The following NEK11 variants were observed in gnomAD, a reference collection of about 807,000 sequenced individuals.
NEK11 encodes serine/threonine-protein kinase Nek11.
In NEK11, 72 loss-of-function variants were observed where a neutral mutation model predicts 80.7. The ratio of observed to expected loss-of-function variants is 0.89; its 90% CI spans 0.74 to 1.08. The LOEUF (loss-of-function observed/expected upper bound fraction) is 1.08, where lower values mean the gene tolerates loss of function less well. Among genes scored for constraint, NEK11 ranks in the 50% least tolerant of loss-of-function variants. The probability of loss-of-function intolerance (pLI) is 0.00; values close to 1 mark genes in which losing one functional copy is unlikely to be tolerated. For missense variants in NEK11, 764 were observed against 763.6 expected (o/e 1.00, Z -0.01); for synonymous variants, 251 against 260.7 (o/e 0.96, Z 0.36).
chr3:131,291,261 A>G (rs1284692655), intron 17 of NEK11, among the ~76,000 whole-genome samples: 1 of 152,182 alleles, frequency 6.6e-6, no homozygotes, highest in Non-Finnish European at 1.5e-5. Context: ...ATGGCTTAAT[A>G]GGTTATTTCT....
At chr3:131,108,424 A>G (rs1244785344) in intron 4 of NEK11, among the ~76,000 whole-genome samples, 3 of 152,124 alleles carry the variant, frequency 2.0e-5, no homozygotes, top group African/African-American at 7.2e-5. Flanking sequence ...TGTGTTTTGC[A>G]TCCTGCAAAG....
At chr3:131,292,032 C>T (rs1280407560) in intron 17 of NEK11, among the ~76,000 whole-genome samples, 1 of 152,104 alleles carries the variant, frequency 6.6e-6, no homozygotes, top group African/African-American at 2.4e-5. Flanking sequence ...ATGTTATCTT[C>T]TAGGAGTTTT....
chr3:131,071,074 T>C (rs998455688), intron 3 of NEK11, among the ~76,000 whole-genome samples: 1 of 152,210 alleles, frequency 6.6e-6, no homozygotes, highest in African/African-American at 2.4e-5. Flanking sequence ...ACAATGGGTA[T>C]TATCATTTCT....
intron 3 of NEK11, among the ~76,000 whole-genome samples, chr3:131,055,219 T>C (rs548058836): frequency 6.6e-6 from 1 of 152,172 alleles, no homozygotes; most frequent in African/African-American, 2.4e-5. Context: ...ATTTAGTCTG[T>C]AAAAATTAGG....
intron 5 of NEK11, among the ~76,000 whole-genome samples, chr3:131,111,198 G>T (rs941185803): frequency 1.3e-5 from 2 of 152,072 alleles, no homozygotes; most frequent in Admixed American, 6.6e-5. Flanking sequence ...ATACCTTTAA[G>T]ACTGCTTAGT....
At chr3:131,244,965 G>A (rs2095575292) in intron 16 of NEK11, among the ~76,000 whole-genome samples, 1 of 151,966 alleles carries the variant, frequency 6.6e-6, no homozygotes, top group African/African-American at 2.4e-5. Context: ...AAGTAAAGGG[G>A]TACAGTGCAG....
chr3:131,250,936 G>T (rs1229562173), intron 16 of NEK11, among the ~76,000 whole-genome samples: 1 of 152,002 alleles, frequency 6.6e-6, no homozygotes, highest in Non-Finnish European at 1.5e-5. Flanking sequence ...TGCACACACT[G>T]AGTGCTTAGC....
At chr3:131,059,866 A>T (rs1482454082) in intron 3 of NEK11, among the ~76,000 whole-genome samples, 1 of 152,232 alleles carries the variant, frequency 6.6e-6, no homozygotes, top group Non-Finnish European at 1.5e-5. Context: ...ACCAAGAATG[A>T]GGTTGGTTAG....
chr3:131,228,766 T>C, intron 15 of NEK11, 78 bp downstream of exon 15: 1 of 1,429,488 alleles, frequency 7.0e-7, no homozygotes, highest in Non-Finnish European at 9.4e-7. Context: ...AAAGGAAGTC[T>C]TATAAGGTGA....
At chr3:131,067,345 T>C (rs1273624439) in intron 3 of NEK11, among the ~76,000 whole-genome samples, 1 of 152,202 alleles carries the variant, frequency 6.6e-6, no homozygotes, top group Non-Finnish European at 1.5e-5. Context: ...AAGTTAGACA[T>C]CAAAGTGCAT....
intron 17 of NEK11, among the ~76,000 whole-genome samples, chr3:131,289,407 A>G (rs1169516794): frequency 1.3e-5 from 2 of 152,338 alleles, no homozygotes; most frequent in Admixed American, 1.3e-4. Context: ...TACACAGTTC[A>G]GTCTATAACA....
intron 14 of NEK11, among the ~76,000 whole-genome samples, chr3:131,227,038 A>G (rs187309250): frequency 7.3e-5 from 11 of 151,682 alleles, no homozygotes; most frequent in Admixed American, 7.2e-4. Context: ...AAAATCAGTG[A>G]TCTGAACTGA....
At chr3:131,134,965 G>A (rs116829400) in intron 7 of NEK11, among the ~76,000 whole-genome samples, 140 of 152,258 alleles carry the variant, frequency 9.2e-4, no homozygotes, top group African/African-American at 3.3e-3. Context: ...CTGAGGGCTT[G>A]TTAATTAAGT....
At chr3:131,264,136 G>A (rs1581096792) in intron 16 of NEK11, among the ~76,000 whole-genome samples, 1 of 152,286 alleles carries the variant, frequency 6.6e-6, no homozygotes, top group South Asian at 2.1e-4. Flanking sequence ...TGAGTAGATT[G>A]TAAAAATTTT....
chr3:131,191,229 A>G (rs1380340292), intron 14 of NEK11, among the ~76,000 whole-genome samples: 1 of 152,186 alleles, frequency 6.6e-6, no homozygotes, highest in African/African-American at 2.4e-5. Context: ...TAGTGGCTTA[A>G]GCAATGCAAA....
intron 16 of NEK11, among the ~76,000 whole-genome samples, chr3:131,255,851 C>G (rs769578308): frequency 1.3e-5 from 2 of 152,166 alleles, no homozygotes; most frequent in Non-Finnish European, 2.9e-5. Flanking sequence ...GGGTTGCCAA[C>G]TGATTAGACC....
chr3:131,228,799 G>T, intron 15 of NEK11, 111 bp downstream of exon 15: 2 of 1,080,546 alleles, frequency 1.9e-6, no homozygotes, highest in Non-Finnish European at 2.6e-6. Flanking sequence ...GGGGAACAGG[G>T]TTATTATAAT....
chr3:131,247,138 T>G (rs150346255), intron 16 of NEK11, among the ~76,000 whole-genome samples: 2,791 of 152,156 alleles, frequency 0.018, 42 homozygotes, highest in East Asian at 0.084. Context: ...TCCCATCTAT[T>G]TATCTTTGTT....
At chr3:131,349,488 A>T in intron 17 of NEK11, 69 bp from the exon 18 acceptor site, 2 of 1,327,254 alleles carry the variant, frequency 1.5e-6, no homozygotes, top group Non-Finnish European at 2.1e-6. Context: ...TCAATGATTT[A>T]AAAGCACATT....
Sources: gnomAD v4.1 joint callset for allele counts (sites outside exome capture counted in the v4.1 genomes callset) on GRCh38, gnomAD v4.1.1 for gene constraint, MANE v1.5 for transcripts, NCBI Gene and HGNC (gene_info 2026-07-23, HGNC 2026-07-21) for gene names.